PTPN9: variants seen among roughly 807,000 people sequenced by gnomAD.
PTPN9 encodes tyrosine-protein phosphatase non-receptor type 9.
Under a neutral mutation model 69.8 loss-of-function variants are expected in PTPN9, and 26 were observed. The observed-to-expected ratio is 0.37, with a 90% CI of 0.27 to 0.52. The LOEUF (loss-of-function observed/expected upper bound fraction) is 0.52. Ranked by LOEUF, PTPN9 falls within the 20% of genes least tolerant of loss-of-function variation. The probability of loss-of-function intolerance (pLI) is 0.91; values close to 1 mark genes in which losing one functional copy is unlikely to be tolerated. For missense variants in PTPN9, 549 were observed against 740.3 expected (o/e 0.74, Z 3.00); for synonymous variants, 274 against 272.5 (o/e 1.01, Z -0.05).
At chr15:75,469,715 G>A (rs1331236715) in intron 12 of PTPN9, 77 bp downstream of exon 12, 2 of 1,476,594 alleles carry the variant, frequency 1.4e-6, no homozygotes, top group Admixed American at 1.7e-5. Context: ...AATCACAGAT[G>A]TGGGCTAAGA....
intron 7 of PTPN9, among the ~76,000 whole-genome samples, chr15:75,504,039 G>A (rs1595955194): frequency 2.1e-4 from 24 of 115,296 alleles, no homozygotes; most frequent in East Asian, 8.6e-4. Flanking sequence ...GGGGGGCTCA[G>A]CCCCCCGCCC....
In PTPN9 at chr15:75,575,262, C is replaced by T. The variant is rs1266861830; in HGVS notation, c.63+3452G>A. Reference sequence around the variant, plus strand: ...TGCTGGGATTACAGGCGTGAGCCACCGCGCCCGGCCGAAAAGAAATATCTT... The same window carrying T: ...TGCTGGGATTACAGGCGTGAGCCACTGCGCCCGGCCGAAAAGAAATATCTT... On this transcript the variant is annotated intron_variant, in intron 1 of 12. Coordinates refer to ENST00000618819, the MANE Select transcript of PTPN9 (RefSeq NM_002833.4). Among the ~76,000 whole-genome samples the T allele has an allele frequency of 7.4e-5, 2 of 27,048 alleles. 1 individual carries two copies. Among genetic ancestry groups the T allele is most frequent in the Non-Finnish European group, 1.3e-4 (2 of 15,920 alleles). 17.7% of individuals were successfully genotyped at this position (27,048 alleles called of 152,430 possible). A position where few individuals can be genotyped will look rare whatever the true frequency, so the allele number is the denominator to read the frequency against.
intron 4 of PTPN9, among the ~76,000 whole-genome samples, chr15:75,518,553 C>G (rs1162819763): frequency 6.6e-6 from 1 of 151,646 alleles, no homozygotes; most frequent in Non-Finnish European, 1.5e-5. Context: ...TGTGGTGGCT[C>G]ACACCTATAA....
At chr15:75,549,304 G>A (rs948454005) in intron 1 of PTPN9, among the ~76,000 whole-genome samples, 1 of 151,958 alleles carries the variant, frequency 6.6e-6, no homozygotes, top group Admixed American at 6.6e-5. Context: ...AGGTGCAAGT[G>A]ATCCTCCTGC....
chr15:75,503,549 G>GT, intron 7 of PTPN9, among the ~76,000 whole-genome samples: 2 of 117,166 alleles, frequency 1.7e-5, no homozygotes, highest in South Asian at 2.6e-4. Flanking sequence ...GGAGGTGGGG[G>GT]GGTCAGCCCC....
intron 1 of PTPN9, among the ~76,000 whole-genome samples, chr15:75,547,939 T>C (rs1220966320): frequency 6.6e-6 from 1 of 152,178 alleles, no homozygotes; most frequent in Non-Finnish European, 1.5e-5. Flanking sequence ...GTGCTGGGAT[T>C]ACAGGTGTAA....
At chr15:75,552,330 C>T (rs2075059886) in intron 1 of PTPN9, among the ~76,000 whole-genome samples, 2 of 152,038 alleles carry the variant, frequency 1.3e-5, no homozygotes, top group South Asian at 2.1e-4. Context: ...TCACTTGAAC[C>T]CAGGAGGCGG....
rs566174854 is a variant in PTPN9 at position 75,578,793 on chromosome 15, C to T, written c.-17G>A. ...GGGCTCCATCCCCCCGCCACCGCCG[C>T]CGGGCGGACAAAACTCGCTCGCGAG... On this transcript the variant is annotated 5_prime_UTR_variant, in exon 1 of 13. Transcript: ENST00000618819. 181 of 1,230,744 alleles carry T rather than the reference C, an allele frequency of 1.5e-4. 2 individuals carry two copies. In the East Asian group the frequency reaches 6.0e-3, roughly 41 times the overall value. The allele number at this position is 1,230,744 out of a possible 1,614,324, so 76.2% of individuals were successfully genotyped here.
intron 8 of PTPN9, among the ~76,000 whole-genome samples, chr15:75,481,921 GC>G (rs1170553963): frequency 6.8e-6 from 1 of 146,224 alleles, no homozygotes; most frequent in African/African-American, 2.5e-5. Flanking sequence ...GAAGTGAGGA[GC>G]CCCTCTGCCC....
intron 7 of PTPN9, among the ~76,000 whole-genome samples, chr15:75,503,467 T>C (rs1482623544): frequency 7.9e-5 from 8 of 101,498 alleles, no homozygotes; most frequent in African/African-American, 1.2e-4. Flanking sequence ...AAGTGAGGAG[T>C]CCCTCTGCCC....
intron 1 of PTPN9, among the ~76,000 whole-genome samples, chr15:75,568,672 T>C (rs2075136597): frequency 7.2e-6 from 1 of 138,398 alleles, no homozygotes; most frequent in African/African-American, 2.6e-5. Context: ...CCCATCTCTT[T>C]AGAAAAAAAA....
At chr15:75,503,116 G>A (rs949188833) in intron 7 of PTPN9, among the ~76,000 whole-genome samples, 4 of 150,936 alleles carry the variant, frequency 2.7e-5, no homozygotes, top group Non-Finnish European at 5.9e-5. Flanking sequence ...GACGTGAGGA[G>A]CCCCTCTGCC....
chr15:75,527,207 A>G lies in PTPN9; in HGVS notation c.118T>C (p.Ser40Pro). 1 of 1,614,202 alleles carries G rather than the reference A, an allele frequency of 6.2e-7. No homozygotes were observed. The highest frequency in any genetic ancestry group is 1.1e-5 in the South Asian group (1 of 91,084). The change falls in exon 2 of 13, where the codon TCC becomes CCC. Residue 40 changes from serine to proline, a missense_variant. Physicochemically the swap from Ser to Pro is moderately conservative, Grantham distance 74. Coordinates refer to ENST00000618819, the MANE Select transcript of PTPN9 (RefSeq NM_002833.4). ...INKWTVQYNV[S>P]PLSWNVAVKF... ...ACAGCCACATTCCAAGACAGCGGGG[A>G]AACATTGTACTGAACTGTCCACTTG...
intron 3 of PTPN9, 90 bp downstream of exon 3, chr15:75,524,117 TAA>T (rs34132149): frequency 0.026 from 8,473 of 327,992 alleles, no homozygotes; most frequent in East Asian, 0.047. Flanking sequence ...ATAATAAAAT[TAA>T]AAAAAAAAAA....
chr15:75,560,408 T>C (rs2075099347), intron 1 of PTPN9, among the ~76,000 whole-genome samples: 1 of 152,198 alleles, frequency 6.6e-6, no homozygotes, highest in African/African-American at 2.4e-5. Flanking sequence ...TTTCAAGGCA[T>C]GGAAGAGCTA....
At chr15:75,472,529 C>G (rs778155663) in intron 10 of PTPN9, among the ~76,000 whole-genome samples, 61 of 148,754 alleles carry the variant, frequency 4.1e-4, no homozygotes, top group Admixed American at 1.9e-3. Context: ...GCGCAGTGGC[C>G]CACGCTTGTA....
chr15:75,491,820 C>A (rs948545665), intron 7 of PTPN9, among the ~76,000 whole-genome samples: 6 of 151,998 alleles, frequency 3.9e-5, no homozygotes, highest in African/African-American at 1.4e-4. Context: ...TGGGGTATAC[C>A]ACCAAAAAAC....
At chr15:75,498,749 C>T (rs1053249092) in intron 7 of PTPN9, among the ~76,000 whole-genome samples, 5 of 151,940 alleles carry the variant, frequency 3.3e-5, no homozygotes, top group East Asian at 1.9e-4. Flanking sequence ...AAATATTGAT[C>T]GCTTCTCAGT....
intron 7 of PTPN9, among the ~76,000 whole-genome samples, chr15:75,494,806 C>A (rs377121554): frequency 6.6e-6 from 1 of 151,678 alleles, no homozygotes; most frequent in South Asian, 2.1e-4. Flanking sequence ...GGCAGATCTC[C>A]TGAAGTCAGG....
Sources: gnomAD v4.1 joint callset for allele counts (sites outside exome capture counted in the v4.1 genomes callset) on GRCh38, gnomAD v4.1.1 for gene constraint, MANE v1.5 for transcripts, NCBI Gene and HGNC (gene_info 2026-07-23, HGNC 2026-07-21) for gene names.